HS6ST3: variants seen among roughly 807,000 people sequenced by gnomAD.
HS6ST3 encodes heparan sulfate 6-O-sulfotransferase 3, also known as heparan-sulfate 6-O-sulfotransferase 3.
HS6ST3 carries 12 observed loss-of-function variants against 36.7 expected under a neutral mutation model. The observed-to-expected ratio is 0.33, with a 90% CI of 0.21 to 0.53. The LOEUF (loss-of-function observed/expected upper bound fraction) is 0.53. HS6ST3 is among the 20% of genes least tolerant of loss of function. HS6ST3 has a pLI of 0.95. For synonymous variants in HS6ST3, 240 were observed against 257.5 expected, an observed-to-expected ratio of 0.93 and a Z score of 0.65; for missense variants, 584 against 640.9, an observed-to-expected ratio of 0.91 and a Z score of 0.96.
intron 1 of HS6ST3, among the ~76,000 whole-genome samples, chr13:96,368,621 C>T (rs1379423318): frequency 6.6e-6 from 1 of 151,808 alleles, no homozygotes; most frequent in African/African-American, 2.4e-5. Context: ...AGTAAAAATT[C>T]AATTTTTGTC....
intron 1 of HS6ST3, among the ~76,000 whole-genome samples, chr13:96,285,685 G>A (rs1010175960): frequency 6.6e-6 from 1 of 152,126 alleles, no homozygotes; most frequent in Non-Finnish European, 1.5e-5. Flanking sequence ...TAACTTAAAG[G>A]ACAAGGTATC....
At chr13:96,608,261 G>A (rs1409036849) in intron 1 of HS6ST3, among the ~76,000 whole-genome samples, 1 of 152,180 alleles carries the variant, frequency 6.6e-6, no homozygotes, top group East Asian at 1.9e-4. Context: ...AATAGTAGAT[G>A]TGGGAATATT....
At chr13:96,635,367 G>T (rs2056545769) in intron 1 of HS6ST3, among the ~76,000 whole-genome samples, 1 of 151,850 alleles carries the variant, frequency 6.6e-6, no homozygotes, top group African/African-American at 2.4e-5. Flanking sequence ...TAAACTGCTT[G>T]TAAGTTCCTG....
At chr13:96,418,362 G>A (rs1326367047) in intron 1 of HS6ST3, among the ~76,000 whole-genome samples, 1 of 152,198 alleles carries the variant, frequency 6.6e-6, no homozygotes, top group Non-Finnish European at 1.5e-5. Context: ...ATTTTAGCAA[G>A]TAGGCGATTT....
At chr13:96,687,505 T>G (rs1230335634) in intron 1 of HS6ST3, among the ~76,000 whole-genome samples, 1 of 152,060 alleles carries the variant, frequency 6.6e-6, no homozygotes, top group Non-Finnish European at 1.5e-5. Context: ...CACTTTGGTA[T>G]TTTAGATTTG....
intron 1 of HS6ST3, among the ~76,000 whole-genome samples, chr13:96,115,361 G>C (rs2053889096): frequency 6.6e-6 from 1 of 152,078 alleles, no homozygotes; most frequent in Admixed American, 6.6e-5. Context: ...ATGGTGGTTT[G>C]CTGCACCTAT....
chr13:96,716,038 A>G (rs192688124), intron 1 of HS6ST3, among the ~76,000 whole-genome samples: 2 of 152,114 alleles, frequency 1.3e-5, no homozygotes, highest in African/African-American at 4.8e-5. Flanking sequence ...CAAAATTAAT[A>G]AAGACTATTT....
intron 1 of HS6ST3, among the ~76,000 whole-genome samples, chr13:96,458,583 G>A (rs2055765590): frequency 6.7e-6 from 1 of 149,238 alleles, no homozygotes; most frequent in Non-Finnish European, 1.5e-5. Flanking sequence ...TTTGGAATAG[G>A]TTCTAAGGGA....
chr13:96,621,482 T>C (rs1438094496), intron 1 of HS6ST3, among the ~76,000 whole-genome samples: 1 of 152,298 alleles, frequency 6.6e-6, no homozygotes, highest in African/African-American at 2.4e-5. Context: ...CTCCCAGCCA[T>C]GTGGAACTGT....
chr13:96,271,177 G>T (rs1304042464), intron 1 of HS6ST3, among the ~76,000 whole-genome samples: 2 of 151,788 alleles, frequency 1.3e-5, no homozygotes, highest in Admixed American at 6.6e-5. Flanking sequence ...CAAGCTGCCA[G>T]TGTGATGATA....
At chr13:96,458,257 A>G (rs1268958766) in intron 1 of HS6ST3, among the ~76,000 whole-genome samples, 3 of 152,114 alleles carry the variant, frequency 2.0e-5, no homozygotes, top group Admixed American at 1.3e-4. Context: ...GGAATGCCAA[A>G]TTCTGTTTTT....
chr13:96,523,001 G>A (rs553910274), intron 1 of HS6ST3, among the ~76,000 whole-genome samples: 8 of 152,216 alleles, frequency 5.3e-5, no homozygotes, highest in East Asian at 3.9e-4. Context: ...GGCTGGTACC[G>A]GTTGTTCCTT....
intron 1 of HS6ST3, among the ~76,000 whole-genome samples, chr13:96,330,939 T>C (rs2055062772): frequency 6.6e-6 from 1 of 151,864 alleles, no homozygotes; most frequent in East Asian, 1.9e-4. Flanking sequence ...CATTTCATCT[T>C]CCATCGCTGA....
At chr13:96,319,548 T>G (rs2054993341) in intron 1 of HS6ST3, among the ~76,000 whole-genome samples, 1 of 152,190 alleles carries the variant, frequency 6.6e-6, no homozygotes, top group Non-Finnish European at 1.5e-5. Flanking sequence ...ACTCTATATT[T>G]AACTCTTTGA....
chr13:96,141,692 C>A (rs2054032633), intron 1 of HS6ST3, among the ~76,000 whole-genome samples: 1 of 152,068 alleles, frequency 6.6e-6, no homozygotes, highest in African/African-American at 2.4e-5. Context: ...TGCATGAGTT[C>A]AACACTGAAG....
chr13:96,233,524 A>G (rs986751715), intron 1 of HS6ST3, among the ~76,000 whole-genome samples: 5 of 152,234 alleles, frequency 3.3e-5, no homozygotes, highest in Non-Finnish European at 5.9e-5. Flanking sequence ...TTCCAGCAAA[A>G]TAAATCTGAA....
At chr13:96,778,554 A>C (rs1877450466) in intron 1 of HS6ST3, among the ~76,000 whole-genome samples, 1 of 152,356 alleles carries the variant, frequency 6.6e-6, no homozygotes, top group East Asian at 1.9e-4. Context: ...TATGTGGCCA[A>C]CAAACATTTG....
intron 1 of HS6ST3, among the ~76,000 whole-genome samples, chr13:96,099,933 A>T (rs1161516108): frequency 6.6e-6 from 1 of 152,242 alleles, no homozygotes; most frequent in African/African-American, 2.4e-5. Flanking sequence ...TTTGAAAGAA[A>T]GACATGTGGT....
chr13:96,735,454 A>G (rs1319681950), intron 1 of HS6ST3, among the ~76,000 whole-genome samples: 1 of 152,190 alleles, frequency 6.6e-6, no homozygotes, highest in East Asian at 1.9e-4. Flanking sequence ...TATTCACTGT[A>G]AAGGAAATCT....
Sources: allele counts gnomAD v4.1 joint callset (sites outside exome capture counted in the v4.1 genomes callset), GRCh38; gene constraint gnomAD v4.1.1; transcripts MANE v1.5; gene names NCBI Gene and HGNC (gene_info 2026-07-23, HGNC 2026-07-21).